Variants in CR1 observed in about 807,000 individuals in gnomAD.
CR1 encodes complement C3b/C4b receptor 1 (Knops blood group), also known as complement receptor type 1.
A neutral mutation model predicts 187.3 loss-of-function variants in CR1; 116 were observed. The observed-to-expected ratio is 0.62, with a 90% CI of 0.53 to 0.72. The LOEUF is 0.72. Ranked by LOEUF, CR1 falls within the 30% of genes least tolerant of loss-of-function variation. The probability of loss-of-function intolerance (pLI) is 0.00; values close to 1 mark genes in which losing one functional copy is unlikely to be tolerated. For synonymous variants in CR1, 576 were observed against 747.1 expected (o/e 0.77, Z 3.73); for missense variants, 1,731 against 2,110.7 (o/e 0.82, Z 3.52).
chr1:207,518,707 G>A (rs1157526853), intron 4 of CR1, among the ~76,000 whole-genome samples: 11 of 152,014 alleles, frequency 7.2e-5, no homozygotes, highest in East Asian at 1.9e-4. Context: ...TCTTCTCATC[G>A]CCTTCTCCTC....
At chr1:207,594,409 C>T (rs973242763) in intron 35 of CR1, among the ~76,000 whole-genome samples, 2 of 152,064 alleles carry the variant, frequency 1.3e-5, no homozygotes, top group African/African-American at 4.8e-5. Flanking sequence ...ACAATGAGAA[C>T]ACATGGACAC....
Position 207,565,820 on chromosome 1 carries a change from T to C in CR1, c.3867-18T>C. On this transcript the variant is annotated intron_variant, in intron 23 of 46. Transcript: ENST00000367049. ...TTGGCTGAAACAGCTCACTATTCAC[T>C]CCTATTTTCTTCTTTAGATTTCAAT... The C allele has an allele frequency of 6.2e-7, 1 of 1,610,450 alleles. No homozygotes were observed. The highest frequency in any genetic ancestry group is 8.5e-7 in the Non-Finnish European group (1 of 1,179,470).
chr1:207,619,800 G>T (rs775959198), intron 42 of CR1, 80 bp from the exon 43 acceptor site: 96 of 1,301,358 alleles, frequency 7.4e-5, no homozygotes, highest in Admixed American at 2.4e-5. Flanking sequence ...ATAGGTTTTG[G>T]CTATTTTCTC....
chr1:207,629,940 C>A (rs1191064360), intron 45 of CR1, among the ~76,000 whole-genome samples: 1 of 152,180 alleles, frequency 6.6e-6, no homozygotes, highest in East Asian at 1.9e-4. Context: ...TAACATAGTG[C>A]CTCATTTATG....
intron 39 of CR1, among the ~76,000 whole-genome samples, chr1:207,613,272 G>A (rs534869707): frequency 1.2e-4 from 19 of 152,298 alleles, no homozygotes; most frequent in East Asian, 3.9e-4. Context: ...CTCTCTCAGC[G>A]TGGCTGGTTC....
intron 45 of CR1, among the ~76,000 whole-genome samples, chr1:207,626,414 G>T (rs896426291): frequency 6.6e-6 from 1 of 152,172 alleles, no homozygotes; most frequent in Non-Finnish European, 1.5e-5. Flanking sequence ...AGTCATTGTG[G>T]CTATGTGAGG....
intron 39 of CR1, among the ~76,000 whole-genome samples, chr1:207,613,599 T>C (rs929534076): frequency 1.8e-4 from 27 of 152,126 alleles, no homozygotes; most frequent in African/African-American, 6.5e-4. Context: ...CTCCTGCTTC[T>C]ATCAGTTTCA....
chr1:207,626,430 T>C (rs766058724), intron 45 of CR1, among the ~76,000 whole-genome samples: 93 of 152,326 alleles, frequency 6.1e-4, no homozygotes, highest in Non-Finnish European at 1.3e-3. Context: ...TGAGGAGGGC[T>C]GATTATTCCT....
At position 207,566,065 on chromosome 1, in the gene CR1, T is replaced by C. The variant is rs1033708522; in HGVS notation, c.3952+142T>C. ...AATAGTTTATTTTAATAATGTTTGG[T>C]TGTGAATCAATATGTACATCACCTG... On this transcript the variant is annotated intron_variant, in intron 24 of 46. Coordinates refer to ENST00000367049, the MANE Select transcript of CR1 (RefSeq NM_000651.6). 9.1e-6 allele frequency: 11 copies of C among 1,208,776 alleles called. 2 individuals carry two copies. In the African/African-American group the frequency reaches 1.6e-4, roughly 18 times the overall value. 74.9% of individuals were successfully genotyped at this position (1,208,776 alleles called of 1,614,324 possible).
intron 3 of CR1, among the ~76,000 whole-genome samples, chr1:207,508,964 G>A (rs1659534370): frequency 6.6e-6 from 1 of 152,172 alleles, no homozygotes; most frequent in African/African-American, 2.4e-5. Flanking sequence ...CCATTCATTT[G>A]GAGTTGGTCT....
Position 207,590,714 on chromosome 1 carries a change from C to A in CR1, c.5810+1940C>A, listed in dbSNP as rs192942719. On this transcript the variant is annotated intron_variant, in intron 35 of 46. Coordinates refer to ENST00000367049, the MANE Select transcript of CR1 (RefSeq NM_000651.6). The stretch of plus-strand genomic sequence containing the variant: ...CCATTGGTGTGCTGTATTCAGGAGA[C>A]CCATCTCATGTGCAAAGACACACAT... Among the ~76,000 whole-genome samples the A allele has an allele frequency of 2.3e-3, 343 of 152,220 alleles. 13 individuals carry two copies. Among genetic ancestry groups the A allele is most frequent in the Admixed American group, 0.021 (322 of 15,282 alleles).
intron 46 of CR1, 77 bp from the exon 47 acceptor site, chr1:207,639,320 C>T: frequency 7.4e-7 from 1 of 1,354,576 alleles, no homozygotes; most frequent in South Asian, 1.3e-5. Context: ...ATATCCAAAG[C>T]TTATCAGCCT....
chr1:207,610,406 C>G (rs549725358), intron 37 of CR1, among the ~76,000 whole-genome samples: 2 of 152,200 alleles, frequency 1.3e-5, no homozygotes, highest in Admixed American at 1.3e-4. Flanking sequence ...AATCATAGTT[C>G]ACTGAAGCCT....
intron 46 of CR1, among the ~76,000 whole-genome samples, chr1:207,638,678 G>T (rs1401850050): frequency 6.6e-6 from 1 of 152,136 alleles, no homozygotes; most frequent in Non-Finnish European, 1.5e-5. Flanking sequence ...GCGCAATCCT[G>T]TCTCCTGGAC....
intron 35 of CR1, among the ~76,000 whole-genome samples, chr1:207,599,795 G>T (rs575015576): frequency 6.6e-6 from 1 of 152,222 alleles, no homozygotes; most frequent in Non-Finnish European, 1.5e-5. Flanking sequence ...ACACATATGT[G>T]TGTTTGATTG....
chr1:207,607,434 C>A, intron 36 of CR1, 98 bp downstream of exon 36: 1 of 862,226 alleles, frequency 1.2e-6, no homozygotes, highest in Non-Finnish European at 1.9e-6. Context: ...ACAAAGTAGT[C>A]TCTCAGATAT....
At chr1:207,514,025 A>G (rs1337826916) in intron 4 of CR1, among the ~76,000 whole-genome samples, 1 of 152,118 alleles carries the variant, frequency 6.6e-6, no homozygotes, top group Non-Finnish European at 1.5e-5. Flanking sequence ...TTGCTAAAAA[A>G]TTTATGTCTT....
At chr1:207,613,042 G>T (rs1661981649) in intron 39 of CR1, among the ~76,000 whole-genome samples, 2 of 152,172 alleles carry the variant, frequency 1.3e-5, no homozygotes, top group Admixed American at 1.3e-4. Flanking sequence ...TGGTACAGCT[G>T]CCCTCCCACA....
chr1:207,628,166 AT>A (rs1317017869), intron 45 of CR1, among the ~76,000 whole-genome samples: 1 of 152,158 alleles, frequency 6.6e-6, no homozygotes, highest in Non-Finnish European at 1.5e-5. Flanking sequence ...GCTTTCCCTG[AT>A]TAAGAATACC....
Sources: allele counts gnomAD v4.1 joint callset (sites outside exome capture counted in the v4.1 genomes callset), GRCh38; gene constraint gnomAD v4.1.1; transcripts MANE v1.5; gene names NCBI Gene and HGNC (gene_info 2026-07-23, HGNC 2026-07-21).